The following RNF216 variants were observed in gnomAD, a reference collection of about 807,000 sequenced individuals.
The protein encoded by RNF216 is E3 ubiquitin-protein ligase RNF216.
In RNF216, 72 loss-of-function variants were observed where a neutral mutation model predicts 110.8. The observed-to-expected ratio is 0.65, with a 90% CI of 0.54 to 0.79. RNF216 has a LOEUF of 0.79. RNF216 is among the 30% of genes least tolerant of loss of function. RNF216 has a pLI of 0.00. For missense variants in RNF216, 1,342 were observed against 1,141.2 expected (o/e 1.18, Z -2.54); for synonymous variants, 495 against 407.5 (o/e 1.21, Z -2.59).
chr7:5,634,450 G>A lies in RNF216; in HGVS notation c.2382+6704C>T, dbSNP rs1261662555. 3.9e-5 allele frequency among the ~76,000 whole-genome samples: 6 copies of A among 152,218 alleles called. No homozygotes were observed. The East Asian group carries it at 5.8e-4, about 15-fold the overall frequency. On this transcript the variant is annotated intron_variant, in intron 15 of 16. Transcript: ENST00000389902. ...ATTAGCCACAGATCGCCTGAGCAAC[G>A]GCAGACCCTTAGCCCCCACCCCTTG...
At chr7:5,756,397 C>A (rs561774769) in intron 2 of RNF216, among the ~76,000 whole-genome samples, 22 of 152,258 alleles carry the variant, frequency 1.4e-4, no homozygotes, top group African/African-American at 5.1e-4. Flanking sequence ...CAACAGAAAC[C>A]ATATGGCCCG....
intron 13 of RNF216, among the ~76,000 whole-genome samples, chr7:5,660,954 T>TTTTTTTTTTTTTTTG (rs1789093079): frequency 6.9e-6 from 1 of 145,924 alleles, no homozygotes; most frequent in African/African-American, 2.6e-5. Flanking sequence ...TTTTTTTTTT[T>TTTTTTTTTTTTTTTG]TTTTTTTTTT....
chr7:5,704,408 G>A (rs1026623858), intron 13 of RNF216, among the ~76,000 whole-genome samples: 5 of 152,122 alleles, frequency 3.3e-5, no homozygotes, highest in South Asian at 2.1e-4. Context: ...AAGGATTAGC[G>A]ACTGCTTTAG....
intron 8 of RNF216, among the ~76,000 whole-genome samples, chr7:5,721,853 A>G (rs536653948): frequency 2.0e-5 from 3 of 152,244 alleles, no homozygotes; most frequent in Non-Finnish European, 4.4e-5. Context: ...AATAAAAGAG[A>G]GCAGAATAAC....
Position 5,665,520 on chromosome 7 carries a change from G to A in RNF216, c.2062-13010C>T, listed in dbSNP as rs569292049. Reference sequence around the variant, plus strand: ...AGCCACCAGGATTAGGTGACAAATTGGAATAGAAGCTTTATATGTGGTTTC... The same window carrying A: ...AGCCACCAGGATTAGGTGACAAATTAGAATAGAAGCTTTATATGTGGTTTC... On this transcript the variant is annotated intron_variant, in intron 13 of 16. Coordinates refer to ENST00000389902, the MANE Select transcript of RNF216 (RefSeq NM_207111.4). Among the ~76,000 whole-genome samples the A allele has an allele frequency of 2.8e-4, 43 of 152,178 alleles. 1 individual carries two copies. The highest frequency in any genetic ancestry group is 2.7e-3 in the South Asian group (13 of 4,806).
intron 15 of RNF216, among the ~76,000 whole-genome samples, chr7:5,630,015 G>A (rs1420402569): frequency 1.3e-5 from 2 of 152,024 alleles, no homozygotes; most frequent in Non-Finnish European, 2.9e-5. Context: ...ATCCTGTGAA[G>A]AGGACACTTG....
At chr7:5,756,253 C>A (rs2128667079) in intron 2 of RNF216, among the ~76,000 whole-genome samples, 1 of 152,272 alleles carries the variant, frequency 6.6e-6, no homozygotes, top group Non-Finnish European at 1.5e-5. Context: ...GAGGCCTTCC[C>A]AGCAATATGG....
intron 1 of RNF216, among the ~76,000 whole-genome samples, chr7:5,780,716 G>GAA (rs534197303): frequency 1.4e-5 from 2 of 145,656 alleles, no homozygotes; most frequent in African/African-American, 2.5e-5. Flanking sequence ...AAGAAAAGGA[G>GAA]AAAAAAAAAA....
chr7:5,673,859 A>AC, intron 13 of RNF216, among the ~76,000 whole-genome samples: 1 of 121,592 alleles, frequency 8.2e-6, no homozygotes, highest in African/African-American at 3.2e-5. Context: ...TCTTTCTCTC[A>AC]TTTTTTTTTT....
chr7:5,682,319 A>C (rs374664542), intron 13 of RNF216, among the ~76,000 whole-genome samples: 1 of 152,164 alleles, frequency 6.6e-6, no homozygotes, highest in Admixed American at 6.5e-5. Flanking sequence ...CGTCCCTCTA[A>C]AAGGGCAGCC....
At chr7:5,686,078 C>A (rs1217580282) in intron 13 of RNF216, among the ~76,000 whole-genome samples, 15 of 151,854 alleles carry the variant, frequency 9.9e-5, no homozygotes, top group Admixed American at 9.8e-4. Flanking sequence ...CAAAAATTAG[C>A]CAGGCGTGGT....
At chr7:5,769,199 C>T (rs1184941256) in intron 1 of RNF216, among the ~76,000 whole-genome samples, 1 of 151,238 alleles carries the variant, frequency 6.6e-6, no homozygotes, top group African/African-American at 2.4e-5. Context: ...CTCACTGCAG[C>T]CTCTGCCTCC....
intron 15 of RNF216, among the ~76,000 whole-genome samples, chr7:5,639,131 C>G (rs896131585): frequency 5.3e-5 from 8 of 152,314 alleles, no homozygotes; most frequent in African/African-American, 1.9e-4. Context: ...GGGACTGAAG[C>G]AGAAGTGACC....
At chr7:5,730,048 A>C (rs532408327) in intron 6 of RNF216, among the ~76,000 whole-genome samples, 1 of 152,326 alleles carries the variant, frequency 6.6e-6, no homozygotes, top group African/African-American at 2.4e-5. Context: ...GTTTTTAAAA[A>C]CCAAACTGTT....
In RNF216 at chr7:5,715,158, A is replaced by G. The variant is rs763246874; in HGVS notation, c.1728T>C (p.Tyr576=). 1.9e-6 allele frequency: 3 copies of G among 1,613,638 alleles called. No homozygotes were observed. In the African/African-American group the frequency reaches 4.0e-5, roughly 22 times the overall value. Residue 576 remains tyrosine (Y), a synonymous_variant, in exon 11 of 17, where the codon TAT becomes TAC. Transcript: ENST00000389902. ...DGQLIECRCC[Y]GEFPFEELTQ... is the part of the protein sequence containing the mutation. Reference sequence around the variant, plus strand: ...TCAGCTCCTCGAATGGAAATTCCCCATAGCAGCAGCGACACTCAATCAGCT... The same window carrying G: ...TCAGCTCCTCGAATGGAAATTCCCCGTAGCAGCAGCGACACTCAATCAGCT...
At position 5,666,074 on chromosome 7, in the gene RNF216, G is replaced by A. The variant is rs1789494517; in HGVS notation, c.2062-13564C>T. 3.3e-5 allele frequency among the ~76,000 whole-genome samples: 5 copies of A among 151,746 alleles called. No homozygotes were observed. In the South Asian group the frequency reaches 8.3e-4, roughly 25 times the overall value. On this transcript the variant is annotated intron_variant, in intron 13 of 16. Coordinates refer to ENST00000389902, the MANE Select transcript of RNF216 (RefSeq NM_207111.4). ...CCAGCTACTCGGGAGGCTGAGGCAG[G>A]AGAATGGCGTGAACCTGGGAGGCAG...
rs1295929971 is a variant in RNF216 at position 5,680,117 on chromosome 7, A to C, written c.2062-27607T>G. ...TCAGGAAGAAGTCCACGTTCTTCAC[A>C]CAAGGGACATCTCCCCCACGAGCTG... is the stretch of plus-strand genomic sequence containing the variant. On this transcript the variant is annotated intron_variant, in intron 13 of 16. Transcript: ENST00000389902. The surrounding 1 kb of genome is among the most constrained non-coding windows in gnomAD (Gnocchi z 4.3). Among the ~76,000 whole-genome samples, 5 of 152,178 alleles carry C rather than the reference A, an allele frequency of 3.3e-5. No individual in the cohort carries two copies. Among genetic ancestry groups the C allele is most frequent in the African/African-American group, 1.2e-4 (5 of 41,440 alleles).
intron 13 of RNF216, among the ~76,000 whole-genome samples, chr7:5,697,224 C>A (rs1211062295): frequency 6.6e-6 from 1 of 152,226 alleles, no homozygotes; most frequent in Non-Finnish European, 1.5e-5. Context: ...CCTGGTCAGG[C>A]CCAGACCCAT....
chr7:5,736,331 G>C (rs1227633749), intron 5 of RNF216, among the ~76,000 whole-genome samples: 1 of 152,116 alleles, frequency 6.6e-6, no homozygotes, highest in Non-Finnish European at 1.5e-5. Flanking sequence ...TGTGTTGGCC[G>C]GGCTGGTCTC....
Sources: allele counts gnomAD v4.1 joint callset (sites outside exome capture counted in the v4.1 genomes callset), GRCh38; gene constraint gnomAD v4.1.1; non-coding constraint Gnocchi (gnomAD v3.1); transcripts MANE v1.5; gene names NCBI Gene and HGNC (gene_info 2026-07-23, HGNC 2026-07-21).